PRKN: variants seen among roughly 807,000 people sequenced by gnomAD.
The protein encoded by PRKN is E3 ubiquitin-protein ligase parkin.
In PRKN, 56 loss-of-function variants were observed where a neutral mutation model predicts 59.5. The observed-to-expected ratio is 0.94, with a 90% confidence interval of 0.76 to 1.18. The LOEUF is 1.18. PRKN is among the 50% of genes most tolerant of loss of function. The pLI, the probability that PRKN is intolerant of heterozygous loss-of-function variation, is 0.00. For missense variants in PRKN, 657 were observed against 596.4 expected (o/e 1.10, Z -1.06); for synonymous variants, 250 against 222.1 (o/e 1.13, Z -1.12).
chr6:161,685,682 C>A (rs73783338), intron 7 of PRKN, among the ~76,000 whole-genome samples: 1 of 152,254 alleles, frequency 6.6e-6, no homozygotes, highest in African/African-American at 2.4e-5. Flanking sequence ...GGGCTGGGGA[C>A]CCCTGATGTA....
chr6:162,443,570 G>T, intron 1 of PRKN, 97 bp from the exon 2 acceptor site: 1 of 1,061,000 alleles, frequency 9.4e-7, no homozygotes, highest in Non-Finnish European at 1.5e-6. Context: ...ACCCCTCGCA[G>T]CCCTTCAGTG....
At chr6:161,380,380 T>G (rs771967497) in intron 10 of PRKN, among the ~76,000 whole-genome samples, 2 of 151,770 alleles carry the variant, frequency 1.3e-5, no homozygotes, top group Non-Finnish European at 2.9e-5. Flanking sequence ...TTCACTAGAT[T>G]ACAAACCCTA....
chr6:161,429,654 G>C lies in PRKN; in HGVS notation c.1084-42777C>G, dbSNP rs578095538. 3.3e-5 allele frequency among the ~76,000 whole-genome samples: 5 copies of C among 152,238 alleles called. No homozygotes were observed. In the South Asian group the frequency reaches 1.0e-3, roughly 32 times the overall value. ...TGGTTTCAGGTTTGGGCCACAAGTA[G>C]ATCAATGAAGAAAGAGGAATCCAGA... is the stretch of plus-strand genomic sequence containing the variant. On this transcript the variant is annotated intron_variant, in intron 9 of 11. Coordinates refer to ENST00000366898, the MANE Select transcript of PRKN (RefSeq NM_004562.3). The surrounding 1 kb of genome is among the most constrained non-coding windows in gnomAD (Gnocchi z 4.2).
chr6:162,268,427 C>T (rs1262622788), intron 2 of PRKN, among the ~76,000 whole-genome samples: 1 of 152,138 alleles, frequency 6.6e-6, no homozygotes, highest in African/African-American at 2.4e-5. Flanking sequence ...CACTGAATAC[C>T]AACACCTTGA....
At chr6:162,613,904 G>C (rs562371191) in intron 1 of PRKN, among the ~76,000 whole-genome samples, 19 of 152,104 alleles carry the variant, frequency 1.2e-4, no homozygotes, top group South Asian at 1.2e-3. Context: ...CTACCAAAAA[G>C]GTCAAGATCT....
chr6:162,208,539 T>C (rs1785055124), intron 3 of PRKN, among the ~76,000 whole-genome samples: 1 of 152,220 alleles, frequency 6.6e-6, no homozygotes, highest in South Asian at 2.1e-4. Context: ...TATTTTTTCA[T>C]TTTTCATTTT....
At chr6:161,888,307 C>T (rs1795225220) in intron 6 of PRKN, among the ~76,000 whole-genome samples, 1 of 152,184 alleles carries the variant, frequency 6.6e-6, no homozygotes, top group African/African-American at 2.4e-5. Flanking sequence ...TTCATGTTAA[C>T]AGCTTCTGCA....
At chr6:161,450,166 G>A (rs576510608) in intron 9 of PRKN, among the ~76,000 whole-genome samples, 1 of 152,338 alleles carries the variant, frequency 6.6e-6, no homozygotes, top group East Asian at 1.9e-4. Context: ...TAAGATCAGA[G>A]AGAGGAGTGA....
intron 9 of PRKN, among the ~76,000 whole-genome samples, chr6:161,477,217 G>A (rs57537199): frequency 0.02 from 3,063 of 152,200 alleles, 85 homozygotes; most frequent in African/African-American, 0.07. Context: ...ATTGGTGATG[G>A]AAAAAAATAA....
chr6:162,192,213 A>G (rs1003975421), intron 4 of PRKN, among the ~76,000 whole-genome samples: 3 of 152,068 alleles, frequency 2.0e-5, no homozygotes, highest in African/African-American at 7.2e-5. Context: ...CCAATTTCCA[A>G]TTATCTAAAT....
At chr6:162,452,912 G>A (rs998584213) in intron 1 of PRKN, among the ~76,000 whole-genome samples, 12 of 152,172 alleles carry the variant, frequency 7.9e-5, no homozygotes, top group Admixed American at 5.2e-4. Flanking sequence ...CAAGTAAAAT[G>A]TAATCATAAG....
chr6:162,196,458 C>T (rs1379613945), intron 4 of PRKN, among the ~76,000 whole-genome samples: 1 of 152,170 alleles, frequency 6.6e-6, no homozygotes, highest in Non-Finnish European at 1.5e-5. Flanking sequence ...AACTCTGTCT[C>T]ATTTCTGCAT....
intron 1 of PRKN, among the ~76,000 whole-genome samples, chr6:162,556,233 T>C (rs904744854): frequency 6.6e-6 from 1 of 152,022 alleles, no homozygotes; most frequent in Non-Finnish European, 1.5e-5. Flanking sequence ...AAGAAGTTAT[T>C]TACCATTGTA....
rs1047051520 is a variant in PRKN at position 161,429,825 on chromosome 6, G to A, written c.1084-42948C>T. On this transcript the variant is annotated intron_variant, in intron 9 of 11. Transcript: ENST00000366898. The surrounding 1 kb of genome is among the most constrained non-coding windows in gnomAD (Gnocchi z 4.2). ...TGGCTCCAGGTAGCTACCAAGAGAAGACTTCATTTTAATTCTTGTCAGGAA... is the reference window on the plus strand; with the variant it reads ...TGGCTCCAGGTAGCTACCAAGAGAAAACTTCATTTTAATTCTTGTCAGGAA... 7.9e-5 allele frequency among the ~76,000 whole-genome samples: 12 copies of A among 152,142 alleles called. No homozygotes were observed. The South Asian group carries it at 8.3e-4, about 11-fold the overall frequency.
intron 10 of PRKN, among the ~76,000 whole-genome samples, chr6:161,367,576 C>A (rs1234021024): frequency 1.3e-5 from 2 of 151,834 alleles, no homozygotes; most frequent in African/African-American, 4.8e-5. Flanking sequence ...CAAAGTTCAG[C>A]ATTCCTTTCC....
intron 2 of PRKN, among the ~76,000 whole-genome samples, chr6:162,440,659 T>A (rs188462776): frequency 6.6e-6 from 1 of 152,146 alleles, no homozygotes; most frequent in African/African-American, 2.4e-5. Context: ...CCAGCAAGCA[T>A]AGACACCACC....
chr6:161,681,998 G>A (rs1785382865), intron 7 of PRKN, among the ~76,000 whole-genome samples: 1 of 152,242 alleles, frequency 6.6e-6, no homozygotes, highest in Admixed American at 6.5e-5. Context: ...ACTCCTGAGA[G>A]GAAAGAGAGA....
intron 2 of PRKN, among the ~76,000 whole-genome samples, chr6:162,266,175 T>G (rs4623220): frequency 0.18 from 27,831 of 152,104 alleles, 2,872 homozygotes; most frequent in South Asian, 0.36. Flanking sequence ...CAGGACTCAG[T>G]TACTTCCTGT....
In PRKN at chr6:162,172,847, A is replaced by C. The variant is rs1032065881; in HGVS notation, c.534+28284T>G. Among the ~76,000 whole-genome samples the C allele has an allele frequency of 4.6e-5, 7 of 152,240 alleles. No individual in the cohort carries two copies. The South Asian group carries it at 8.3e-4, about 18-fold the overall frequency. On this transcript the variant is annotated intron_variant, in intron 4 of 11. Transcript: ENST00000366898. The stretch of plus-strand genomic sequence containing the variant: ...GGTGCCTCGGTGGTATCTCCATGAA[A>C]TCTAACCCATCAGAGGCAGATAAGC...
Sources: gnomAD v4.1 joint callset for allele counts (sites outside exome capture counted in the v4.1 genomes callset) on GRCh38, gnomAD v4.1.1 for gene constraint, Gnocchi (gnomAD v3.1) non-coding constraint, MANE v1.5 for transcripts, NCBI Gene and HGNC (gene_info 2026-07-23, HGNC 2026-07-21) for gene names.